The following HNRNPL variants were observed in gnomAD, a reference collection of about 807,000 sequenced individuals.
HNRNPL encodes the protein epididymis secretory sperm binding protein.
In HNRNPL, 12 loss-of-function variants were observed where a neutral mutation model predicts 64.0. The ratio of observed to expected loss-of-function variants is 0.19; its 90% CI spans 0.12 to 0.30. HNRNPL has a LOEUF of 0.30. HNRNPL is among the 10% of genes least tolerant of loss of function. The probability of loss-of-function intolerance (pLI) is 1.00; values close to 1 mark genes in which losing one functional copy is unlikely to be tolerated. For missense variants in HNRNPL, 484 were observed against 797.4 expected, an observed-to-expected ratio of 0.61 and a Z score of 4.73; for synonymous variants, 385 against 313.0, an observed-to-expected ratio of 1.23 and a Z score of -2.43.
Position 38,849,905 on chromosome 19 carries a change from TG to T in HNRNPL, c.61del (p.Gln21SerfsTer13), listed in dbSNP as rs1419987292. 1 of 1,271,128 alleles carries T rather than the reference TG, an allele frequency of 7.9e-7. No individual in the cohort carries two copies. The highest frequency in any genetic ancestry group is 1.5e-5 in the African/African-American group (1 of 65,214). The allele number at this position is 1,271,128 out of a possible 1,614,324, so 78.7% of individuals were successfully genotyped here. A position where few individuals can be genotyped will look rare whatever the true frequency, so the allele number is the denominator to read the frequency against. ...CGACCGCCTCCGCTGCTCGTCCGGC[TG>T]CTGCCTCTGCTCCAGCCGCCGACGC... ...KRRRRLEQRQQPDEQRRRSGA... is the reference protein window; with the variant it reads ...KRRRRLEQRQXPDEQRRRSGA... On this transcript the variant is annotated frameshift_variant, in exon 1 of 13. Coordinates refer to ENST00000221419, the MANE Select transcript of HNRNPL (RefSeq NM_001533.3). LOFTEE classifies it high-confidence loss of function.
Position 38,849,924 on chromosome 19 carries a change from G to A in HNRNPL, c.43C>T (p.Arg15Trp), listed in dbSNP as rs538500027. 4 of 1,339,190 alleles carry A rather than the reference G, an allele frequency of 3.0e-6. No homozygotes were observed. Among genetic ancestry groups the A allele is most frequent in the Admixed American group, 4.6e-5 (2 of 43,672 alleles). The allele number at this position is 1,339,190 out of a possible 1,614,324, so 83.0% of individuals were successfully genotyped here. A position where few individuals can be genotyped will look rare whatever the true frequency, so the allele number is the denominator to read the frequency against. ...LLPRAEKRRR[R>W]LEQRQQPDEQ... ...TCCGGCTGCTGCCTCTGCTCCAGCCGCCGACGCCGCTTCTCCGCCCGGGGC... is the reference window on the plus strand; with the variant it reads ...TCCGGCTGCTGCCTCTGCTCCAGCCACCGACGCCGCTTCTCCGCCCGGGGC... Residue 15 changes from arginine (R) to tryptophan (W), a missense_variant, in exon 1 of 13, where the codon CGG (arginine) becomes TGG (tryptophan). By Grantham distance (101) the Arg-to-Trp change is moderately radical. Around this residue, in one of 9 missense-constraint regions of HNRNPL, gnomAD observed 190 missense variants for 160.1 expected, o/e 1.19. Transcript: ENST00000221419.
chr19:38,840,856 C>A, intron 6 of HNRNPL: 1 of 436,280 alleles, frequency 2.3e-6, no homozygotes, highest in Middle Eastern at 5.8e-4. Context: ...GCCCAGCTCC[C>A]AGGCCCTCTG....
At position 38,849,888 on chromosome 19, in the gene HNRNPL, T is replaced by A. The variant is rs764304876; in HGVS notation, c.79A>T (p.Arg27Trp). The change falls in exon 1 of 13, where the codon AGG (arginine) becomes TGG (tryptophan). Residue 27 changes from arginine to tryptophan, a missense_variant. Arg to Trp is a moderately radical substitution (Grantham distance 101, BLOSUM62 -3). Around this residue, in one of 9 missense-constraint regions of HNRNPL, gnomAD observed 190 missense variants for 160.1 expected, o/e 1.19. Transcript: ENST00000221419. ...EQRQQPDEQR[R>W]RSGAMVKMAA... The stretch of plus-strand genomic sequence containing the variant: ...ATCTTCACCATCGCTCCCGACCGCC[T>A]CCGCTGCTCGTCCGGCTGCTGCCTC... 3 of 1,243,164 alleles carry A rather than the reference T, an allele frequency of 2.4e-6. No homozygotes were observed. Among genetic ancestry groups the A allele is most frequent in the South Asian group, 1.3e-5 (1 of 78,592 alleles). The allele number at this position is 1,243,164 out of a possible 1,614,324, so 77.0% of individuals were successfully genotyped here.
chr19:38,838,816 G>A, intron 9 of HNRNPL, 78 bp downstream of exon 9: 1 of 1,585,142 alleles, frequency 6.3e-7, no homozygotes, highest in Non-Finnish European at 8.6e-7. Flanking sequence ...CGGCCTCACT[G>A]TGCTCCTCTG....
At chr19:38,846,384 G>A (rs1972296512) in intron 2 of HNRNPL, among the ~76,000 whole-genome samples, 1 of 152,156 alleles carries the variant, frequency 6.6e-6, no homozygotes, top group African/African-American at 2.4e-5. Context: ...CACTCTAGGA[G>A]GGCAACTTTC....
chr19:38,839,992 C>CT, intron 8 of HNRNPL, 104 bp downstream of exon 8: 1 of 1,098,320 alleles, frequency 9.1e-7, no homozygotes, highest in South Asian at 1.4e-5. Context: ...TCATTGGCGT[C>CT]TGCCCGCCCA....
chr19:38,850,096 G>T, upstream of HNRNPL: 1 of 691,892 alleles, frequency 1.4e-6, no homozygotes, highest in Non-Finnish European at 2.2e-6. Flanking sequence ...CACGCCTTGC[G>T]CGCTTATTGG....
intron 10 of HNRNPL, among the ~76,000 whole-genome samples, chr19:38,838,040 G>A (rs1339573680): frequency 1.3e-5 from 2 of 152,214 alleles, no homozygotes; most frequent in Admixed American, 6.5e-5. Context: ...CCTTCTGATG[G>A]TATCAGGGTG....
intron 9 of HNRNPL, 138 bp from the exon 10 acceptor site, chr19:38,838,736 T>G (rs1242778314): frequency 7.7e-7 from 1 of 1,301,466 alleles, no homozygotes; most frequent in African/African-American, 1.5e-5. Flanking sequence ...TGACTCACTT[T>G]CTCCTGTGGT....
chr19:38,838,290 G>A (rs1255244450), intron 10 of HNRNPL, 107 bp downstream of exon 10: 2 of 884,258 alleles, frequency 2.3e-6, no homozygotes, highest in East Asian at 5.2e-5. Flanking sequence ...CCCAGGGCCA[G>A]GCAGGACAGG....
intron 6 of HNRNPL, chr19:38,843,586 T>TG: frequency 1.9e-6 from 1 of 516,564 alleles, no homozygotes. Context: ...AGTGAGGCCC[T>TG]GCTCCCCGCC....
chr19:38,842,043 G>A (rs1334408936), intron 6 of HNRNPL: 1 of 164,734 alleles, frequency 6.1e-6, no homozygotes, highest in Non-Finnish European at 1.3e-5. Flanking sequence ...CCTCTGAGCT[G>A]TTTGGCTGTC....
chr19:38,845,512 A>C, intron 4 of HNRNPL, 138 bp downstream of exon 4: 1 of 705,784 alleles, frequency 1.4e-6, no homozygotes, highest in Non-Finnish European at 2.6e-6. Flanking sequence ...CTACTCAGTC[A>C]CTGGGCTCTG....
In HNRNPL at chr19:38,849,900, C is replaced by T. The variant is rs749109323; in HGVS notation, c.67G>A (p.Asp23Asn). ...RRRLEQRQQP[D>N]EQRRRSGAMV... ...GCTCCCGACCGCCTCCGCTGCTCGT[C>T]CGGCTGCTGCCTCTGCTCCAGCCGC... Residue 23 changes from aspartate to asparagine, a missense_variant, in exon 1 of 13, where the codon GAC becomes AAC. Physicochemically the swap from Asp to Asn is conservative, Grantham distance 23. Transcript: ENST00000221419. 22 of 1,264,732 alleles carry T rather than the reference C, an allele frequency of 1.7e-5. No homozygotes were observed. The highest frequency in any genetic ancestry group is 3.8e-5 in the Admixed American group (2 of 52,536). 78.3% of individuals were successfully genotyped at this position (1,264,732 alleles called of 1,614,324 possible).
At position 38,840,567 on chromosome 19, in the gene HNRNPL, G is replaced by A. The variant is rs369462452; in HGVS notation, c.881-8C>T. ...GGTTGCTGCCAGGGTCACCTGTGGAGAGAGAAAACAGTTAGGAGTCTCACT... is the reference window on the plus strand; with the variant it reads ...GGTTGCTGCCAGGGTCACCTGTGGAAAGAGAAAACAGTTAGGAGTCTCACT... On this transcript the variant is annotated splice_polypyrimidine_tract_variant and splice_region_variant and intron_variant, in intron 6 of 12. Transcript: ENST00000221419. 110 of 1,576,412 alleles carry A rather than the reference G, an allele frequency of 7.0e-5. 1 individual carries two copies. Among genetic ancestry groups the A allele is most frequent in the South Asian group, 5.1e-4 (44 of 86,126 alleles).
At chr19:38,850,221 C>G, upstream of HNRNPL, 1 of 401,586 alleles carries the variant, frequency 2.5e-6, no homozygotes, top group Non-Finnish European at 4.4e-6. Flanking sequence ...AAATAAAATC[C>G]AATTTGATAG....
At position 38,840,011 on chromosome 19, in the gene HNRNPL, C is replaced by G. The variant is rs1171346280; in HGVS notation, c.1233+85G>C. ...TGGCGTCTGCCCGCCCAGCGCCACA[C>G]CAGGCTCCCCCCTGGTTCTTTCCCG... is the stretch of plus-strand genomic sequence containing the variant. On this transcript the variant is annotated intron_variant, in intron 8 of 12. Transcript: ENST00000221419. 3.7e-6 allele frequency: 5 copies of G among 1,367,256 alleles called. No homozygotes were observed. The Admixed American group carries it at 8.7e-5, about 24-fold the overall frequency. The allele number at this position is 1,367,256 out of a possible 1,614,324, so 84.7% of individuals were successfully genotyped here. A position where few individuals can be genotyped will look rare whatever the true frequency, so the allele number is the denominator to read the frequency against.
rs756615008 is a variant in HNRNPL at position 38,840,571 on chromosome 19, G to A, written c.881-12C>T. Reference sequence around the variant, plus strand: ...GCTGCCAGGGTCACCTGTGGAGAGAGAAAACAGTTAGGAGTCTCACTCAGA... The same window carrying A: ...GCTGCCAGGGTCACCTGTGGAGAGAAAAAACAGTTAGGAGTCTCACTCAGA... On this transcript the variant is annotated splice_polypyrimidine_tract_variant and intron_variant, in intron 6 of 12. Coordinates refer to ENST00000221419, the MANE Select transcript of HNRNPL (RefSeq NM_001533.3). The A allele has an allele frequency of 1.3e-6, 2 of 1,572,506 alleles. No homozygotes were observed. Among genetic ancestry groups the A allele is most frequent in the East Asian group, 2.3e-5 (1 of 42,766 alleles).
rs960453998 is a variant in HNRNPL, at chr19:38,848,552, T to C, written c.268-1118A>G. On this transcript the variant is annotated intron_variant, in intron 1 of 12. Coordinates refer to ENST00000221419, the MANE Select transcript of HNRNPL (RefSeq NM_001533.3). ...CTCCTGGGCTCTGGGGCCGGCCCCC[T>C]GTCTGAGAATCACTGGGCAGAAGTG... Among the ~76,000 whole-genome samples, 3 of 151,848 alleles carry C rather than the reference T, an allele frequency of 2.0e-5. No homozygotes were observed. The East Asian group carries it at 5.8e-4, about 29-fold the overall frequency.
Sources: allele counts gnomAD v4.1 joint callset (sites outside exome capture counted in the v4.1 genomes callset), GRCh38; gene constraint gnomAD v4.1.1; regional missense constraint gnomAD v4.1.1; transcripts MANE v1.5; gene names NCBI Gene and HGNC (gene_info 2026-07-23, HGNC 2026-07-21).